BAZ2B: variants seen among roughly 807,000 people sequenced by gnomAD.
BAZ2B encodes bromodomain adjacent to zinc finger domain protein 2B.
BAZ2B carries 91 observed loss-of-function variants against 246.0 expected under a neutral mutation model. That is an observed-to-expected ratio of 0.37 (90% CI 0.31 to 0.44). BAZ2B has a LOEUF of 0.44. Ranked by LOEUF, BAZ2B falls within the 20% of genes least tolerant of loss-of-function variation. The pLI is 1.00. For missense variants in BAZ2B, 2,332 were observed against 2,533.7 expected (o/e 0.92, Z 1.71); for synonymous variants, 855 against 860.0 (o/e 0.99, Z 0.10).
chr2:159,381,367 C>A (rs961377600), intron 25 of BAZ2B, among the ~76,000 whole-genome samples: 1 of 152,038 alleles, frequency 6.6e-6, no homozygotes, highest in African/African-American at 2.4e-5. Flanking sequence ...CCCCTGCCCC[C>A]AATTATCTAC....
chr2:159,496,356 G>A, intron 2 of BAZ2B, among the ~76,000 whole-genome samples: 1 of 130,000 alleles, frequency 7.7e-6, no homozygotes, highest in Admixed American at 8.0e-5. Flanking sequence ...CCAGCCTGGT[G>A]ATAGAGCAAG....
At chr2:159,574,140 C>T (rs867192760) in intron 1 of BAZ2B, among the ~76,000 whole-genome samples, 7 of 99,100 alleles carry the variant, frequency 7.1e-5, no homozygotes, top group South Asian at 4.0e-4. Flanking sequence ...CACACACACA[C>T]ATACACACAC....
chr2:159,364,215 A>C (rs1230802166), intron 27 of BAZ2B, among the ~76,000 whole-genome samples: 1 of 152,232 alleles, frequency 6.6e-6, no homozygotes, highest in Non-Finnish European at 1.5e-5. Context: ...AGGACCAAGT[A>C]TCATAGCTCC....
chr2:159,330,281 C>G (rs1033986426), intron 34 of BAZ2B, among the ~76,000 whole-genome samples: 1 of 151,944 alleles, frequency 6.6e-6, no homozygotes, highest in African/African-American at 2.4e-5. Flanking sequence ...ATGATAACCT[C>G]GAGGCAAAAA....
At chr2:159,701,099 T>C in the BAZ2B span, among the ~76,000 whole-genome samples, 1 of 152,188 alleles carries the variant, frequency 6.6e-6, no homozygotes, top group African/African-American at 2.4e-5. Flanking sequence ...AGAAGAATGC[T>C]TGGTCTCTCA....
chr2:159,600,360 A>G (rs1691851646), intron 1 of BAZ2B, among the ~76,000 whole-genome samples: 2 of 152,186 alleles, frequency 1.3e-5, no homozygotes, highest in Admixed American at 1.3e-4. Context: ...TAATTCCCTA[A>G]CAAATTTAGG....
chr2:159,366,548 TTA>T (rs2060235007), intron 27 of BAZ2B, among the ~76,000 whole-genome samples: 1 of 152,218 alleles, frequency 6.6e-6, no homozygotes, highest in Non-Finnish European at 1.5e-5. Context: ...CAAGCTTTCA[TTA>T]CTTTGTACAA....
chr2:159,483,205 A>AT (rs572681512), intron 2 of BAZ2B, among the ~76,000 whole-genome samples: 246 of 151,036 alleles, frequency 1.6e-3, no homozygotes, highest in Admixed American at 3.2e-3. Flanking sequence ...TAACTTGGTC[A>AT]TTTTTTTTTG....
chr2:159,635,720 G>A, the BAZ2B span, among the ~76,000 whole-genome samples: 1 of 151,810 alleles, frequency 6.6e-6, no homozygotes, highest in Non-Finnish European at 1.5e-5. Flanking sequence ...CTTTCTACCA[G>A]CTTTAAACAG....
rs2067654551 is a variant in BAZ2B, at chr2:159,345,626, T to C, written c.5454+1860A>G. 1.3e-5 allele frequency among the ~76,000 whole-genome samples: 2 copies of C among 152,204 alleles called. 1 individual carries two copies. The highest frequency in any genetic ancestry group is 4.1e-4 in the South Asian group (2 of 4,828). On this transcript the variant is annotated intron_variant, in intron 31 of 36. Transcript: ENST00000392783. ...CCCACACTCGGACTTTACACATATTTTTTAAAAGCCTGATGATACACTTTC... is the reference window on the plus strand; with the variant it reads ...CCCACACTCGGACTTTACACATATTCTTTAAAAGCCTGATGATACACTTTC...
At chr2:159,534,797 G>A (rs1235394634) in intron 2 of BAZ2B, among the ~76,000 whole-genome samples, 4 of 152,018 alleles carry the variant, frequency 2.6e-5, no homozygotes, top group Non-Finnish European at 5.9e-5. Flanking sequence ...AGTAGATAAG[G>A]GGTTTCACCA....
chr2:159,638,265 C>T, the BAZ2B span, among the ~76,000 whole-genome samples: 4 of 152,210 alleles, frequency 2.6e-5, no homozygotes, highest in African/African-American at 9.6e-5. Context: ...AAAGACTTCT[C>T]AAGAACGACA....
the BAZ2B span, among the ~76,000 whole-genome samples, chr2:159,642,291 G>A: frequency 2.1e-5 from 3 of 142,272 alleles, no homozygotes; most frequent in Non-Finnish European, 4.5e-5. Context: ...AGGCTGGAGT[G>A]CAATAGCACC....
chr2:159,426,551 A>G (rs1422890570), intron 13 of BAZ2B, among the ~76,000 whole-genome samples: 1 of 152,150 alleles, frequency 6.6e-6, no homozygotes, highest in Non-Finnish European at 1.5e-5. Flanking sequence ...TTTTAAAAAA[A>G]TAGAAAACCC....
chr2:159,479,209 A>G (rs1390546020), intron 2 of BAZ2B, among the ~76,000 whole-genome samples: 1 of 152,024 alleles, frequency 6.6e-6, no homozygotes, highest in African/African-American at 2.4e-5. Context: ...TCCCCCCCAT[A>G]CCCCTCAAAA....
intron 2 of BAZ2B, among the ~76,000 whole-genome samples, chr2:159,486,597 T>C (rs1344663312): frequency 1.3e-5 from 2 of 151,256 alleles, no homozygotes; most frequent in Admixed American, 6.6e-5. Flanking sequence ...TCTTCTTCTT[T>C]TTTTTTTTTC....
chr2:159,517,589 TACA>T (rs1422834160), intron 2 of BAZ2B, among the ~76,000 whole-genome samples: 2 of 152,226 alleles, frequency 1.3e-5, no homozygotes, highest in Non-Finnish European at 2.9e-5. Context: ...AAGAGCCCGT[TACA>T]ACAATATAAT....
intron 1 of BAZ2B, among the ~76,000 whole-genome samples, chr2:159,573,327 A>C (rs906678768): frequency 2.0e-4 from 31 of 152,220 alleles, no homozygotes; most frequent in Non-Finnish European, 3.4e-4. Flanking sequence ...GATCAACAGA[A>C]TAGAATTGAG....
At chr2:159,428,195 T>C (rs535754308) in intron 12 of BAZ2B, 116 bp downstream of exon 12, 4 of 1,101,418 alleles carry the variant, frequency 3.6e-6, no homozygotes, top group African/African-American at 1.6e-5. Flanking sequence ...AATAGTCCCA[T>C]ACAAGAGAAT....
Sources: allele counts gnomAD v4.1 joint callset (sites outside exome capture counted in the v4.1 genomes callset), GRCh38; gene constraint gnomAD v4.1.1; transcripts MANE v1.5; gene names NCBI Gene and HGNC (gene_info 2026-07-23, HGNC 2026-07-21).